The following SPATA16 variants were observed in gnomAD, a reference collection of about 807,000 sequenced individuals.
The protein encoded by SPATA16 is spermatogenesis associated 16, also known as spermatogenesis-associated protein 16.
A neutral mutation model predicts 63.3 loss-of-function variants in SPATA16; 36 were observed. The ratio of observed to expected loss-of-function variants is 0.57; its 90% CI spans 0.44 to 0.75. The LOEUF (loss-of-function observed/expected upper bound fraction) is 0.75, where lower values mean the gene tolerates loss of function less well. Among genes scored for constraint, SPATA16 ranks in the 30% least tolerant of loss-of-function variants. The probability of loss-of-function intolerance (pLI) is 0.00; values close to 1 mark genes in which losing one functional copy is unlikely to be tolerated. For missense variants in SPATA16, 646 were observed against 679.3 expected (o/e 0.95, Z 0.54); for synonymous variants, 203 against 216.7 (o/e 0.94, Z 0.56).
chr3:173,105,773 C>T (rs966002811), intron 2 of SPATA16, among the ~76,000 whole-genome samples: 1 of 150,870 alleles, frequency 6.6e-6, no homozygotes, highest in African/African-American at 2.4e-5. Context: ...TCCTCCCTCC[C>T]TCCCTGTCTT....
intron 6 of SPATA16, among the ~76,000 whole-genome samples, chr3:172,948,179 A>G (rs1733337161): frequency 1.3e-5 from 2 of 152,118 alleles, no homozygotes; most frequent in African/African-American, 4.8e-5. Context: ...ACCTCAAGGC[A>G]TTTAATAATC....
chr3:173,059,353 A>AT (rs1007482552), intron 2 of SPATA16, among the ~76,000 whole-genome samples: 10 of 103,508 alleles, frequency 9.7e-5, no homozygotes, highest in Admixed American at 1.8e-4. Context: ...TTTTTTGGTT[A>AT]TTTTTTTTTC....
At chr3:172,955,274 T>C (rs2108233517) in intron 6 of SPATA16, among the ~76,000 whole-genome samples, 1 of 152,270 alleles carries the variant, frequency 6.6e-6, no homozygotes, top group African/African-American at 2.4e-5. Context: ...TCAATGAATC[T>C]CTCTTCGTTA....
Position 172,925,500 on chromosome 3 carries a change from A to G in SPATA16, c.1082-8T>C. On this transcript the variant is annotated splice_polypyrimidine_tract_variant and splice_region_variant and intron_variant, in intron 6 of 10. Coordinates refer to ENST00000351008, the MANE Select transcript of SPATA16 (RefSeq NM_031955.6). Reference sequence around the variant, plus strand: ...TGTGGAGTGCTTGAAGATCTGAAATATGACAGAAAGAGAACTAAGAGGCTT... The same window carrying G: ...TGTGGAGTGCTTGAAGATCTGAAATGTGACAGAAAGAGAACTAAGAGGCTT... 1 of 1,613,994 alleles carries G rather than the reference A, an allele frequency of 6.2e-7. No homozygotes were observed. Among genetic ancestry groups the G allele is most frequent in the Non-Finnish European group, 8.5e-7 (1 of 1,179,896 alleles).
chr3:173,049,131 C>T, intron 2 of SPATA16, 37 bp from the exon 3 acceptor site: 2 of 1,567,442 alleles, frequency 1.3e-6, no homozygotes, highest in Non-Finnish European at 1.7e-6. Flanking sequence ...TCTTAATAAT[C>T]TTTCATATAA....
In SPATA16 at chr3:173,137,570, C is replaced by T. The variant is rs528420498; in HGVS notation, c.-19+3533G>A. On this transcript the variant is annotated intron_variant, in intron 1 of 10. Coordinates refer to ENST00000351008, the MANE Select transcript of SPATA16 (RefSeq NM_031955.6). The stretch of plus-strand genomic sequence containing the variant: ...CTAAAACTTCCTCCTTTTCTACATT[C>T]ATAAATGGTGTCAATTTCAATGTAT... Among the ~76,000 whole-genome samples, 10 of 152,262 alleles carry T rather than the reference C, an allele frequency of 6.6e-5. No individual in the cohort carries two copies. In the East Asian group the frequency reaches 1.5e-3, roughly 23 times the overall value.
At chr3:173,000,914 A>G (rs1275428276) in intron 4 of SPATA16, among the ~76,000 whole-genome samples, 1 of 151,912 alleles carries the variant, frequency 6.6e-6, no homozygotes, top group East Asian at 1.9e-4. Context: ...CTTTACTTTT[A>G]TTATTCATCT....
At chr3:172,932,984 A>C (rs1344439075) in intron 6 of SPATA16, among the ~76,000 whole-genome samples, 1 of 152,132 alleles carries the variant, frequency 6.6e-6, no homozygotes, top group Non-Finnish European at 1.5e-5. Context: ...ACATAATCCC[A>C]CAGGAATTTT....
intron 2 of SPATA16, among the ~76,000 whole-genome samples, chr3:173,108,665 G>A (rs945446227): frequency 3.9e-5 from 6 of 152,170 alleles, no homozygotes; most frequent in African/African-American, 1.4e-4. Flanking sequence ...CGATGTTTTG[G>A]TCAATGACAG....
At chr3:172,935,030 T>C (rs1216766348) in intron 6 of SPATA16, among the ~76,000 whole-genome samples, 1 of 152,166 alleles carries the variant, frequency 6.6e-6, no homozygotes, top group Non-Finnish European at 1.5e-5. Flanking sequence ...ATATAAACAT[T>C]GGAAGTAAAG....
At chr3:172,959,889 T>G (rs1272079025) in intron 5 of SPATA16, among the ~76,000 whole-genome samples, 1 of 150,008 alleles carries the variant, frequency 6.7e-6, no homozygotes, top group Non-Finnish European at 1.5e-5. Flanking sequence ...AGCCTTTGTA[T>G]TCAATTAAAA....
chr3:173,136,005 C>T (rs931497755), intron 1 of SPATA16, among the ~76,000 whole-genome samples: 1 of 152,200 alleles, frequency 6.6e-6, no homozygotes, highest in African/African-American at 2.4e-5. Context: ...TTTCCTAAGG[C>T]AAGTTTTGCC....
rs10618031 is a variant in SPATA16 at position 173,062,044 on chromosome 3, ATTTTTTTTT to A, written c.613-12959_613-12951del. Among the ~76,000 whole-genome samples, 18 of 115,530 alleles carry A rather than the reference ATTTTTTTTT, an allele frequency of 1.6e-4. No homozygotes were observed. The East Asian group carries it at 3.2e-3, about 20-fold the overall frequency. 75.8% of individuals were successfully genotyped at this position (115,530 alleles called of 152,430 possible). ...TTTGTTAAAATAGCTGTGCTTCAAC[ATTTTTTTTT>A]TTTTTTTTTTTTTTGCCAGGTAGCC... On this transcript the variant is annotated intron_variant, in intron 2 of 10. Coordinates refer to ENST00000351008, the MANE Select transcript of SPATA16 (RefSeq NM_031955.6).
rs1196888690 is a variant in SPATA16, at chr3:172,925,501, T to A, written c.1082-9A>T. On this transcript the variant is annotated splice_polypyrimidine_tract_variant and intron_variant, in intron 6 of 10. Transcript: ENST00000351008. ...GTGGAGTGCTTGAAGATCTGAAATA[T>A]GACAGAAAGAGAACTAAGAGGCTTT... The A allele has an allele frequency of 2.5e-6, 4 of 1,613,978 alleles. No individual in the cohort carries two copies.
chr3:172,992,503 AAGG>A, intron 4 of SPATA16, among the ~76,000 whole-genome samples: 1 of 152,026 alleles, frequency 6.6e-6, no homozygotes, highest in South Asian at 2.1e-4. Flanking sequence ...CCCTTAAAGG[AAGG>A]TAGGGGACTC....
chr3:173,088,547 A>G (rs1351158196), intron 2 of SPATA16, among the ~76,000 whole-genome samples: 1 of 152,122 alleles, frequency 6.6e-6, no homozygotes, highest in African/African-American at 2.4e-5. Context: ...GATTATATAG[A>G]TTTGTATATA....
chr3:173,026,640 T>C (rs1217877994), intron 3 of SPATA16, among the ~76,000 whole-genome samples: 1 of 151,974 alleles, frequency 6.6e-6, no homozygotes, highest in Non-Finnish European at 1.5e-5. Context: ...ATTTTGCTTA[T>C]AAATCTGCAA....
At chr3:172,939,466 C>A (rs1397870304) in intron 6 of SPATA16, among the ~76,000 whole-genome samples, 1 of 152,154 alleles carries the variant, frequency 6.6e-6, no homozygotes, top group Non-Finnish European at 1.5e-5. Context: ...GGGCCAGAGT[C>A]TCTTAGCTTG....
intron 2 of SPATA16, among the ~76,000 whole-genome samples, chr3:173,083,671 G>A (rs1736976964): frequency 6.6e-6 from 1 of 152,048 alleles, no homozygotes; most frequent in African/African-American, 2.4e-5. Flanking sequence ...CCCAGTGTGT[G>A]TTGTTCCCTT....
Sources: gnomAD v4.1 joint callset for allele counts (sites outside exome capture counted in the v4.1 genomes callset) on GRCh38, gnomAD v4.1.1 for gene constraint, MANE v1.5 for transcripts, NCBI Gene and HGNC (gene_info 2026-07-23, HGNC 2026-07-21) for gene names.